LHFPL5: variants seen among roughly 807,000 people sequenced by gnomAD.
LHFPL5 encodes LHFPL tetraspan subfamily member 5.
A neutral mutation model predicts 18.7 loss-of-function variants in LHFPL5; 12 were observed. The ratio of observed to expected loss-of-function variants is 0.64; its 90% CI spans 0.41 to 1.04. The LOEUF is 1.04. Among genes scored for constraint, LHFPL5 ranks in the 50% least tolerant of loss-of-function variants. The probability of loss-of-function intolerance (pLI) is 0.00; values close to 1 mark genes in which losing one functional copy is unlikely to be tolerated. For synonymous variants in LHFPL5, 111 were observed against 120.2 expected (o/e 0.92, Z 0.50); for missense variants, 259 against 292.1 (o/e 0.89, Z 0.83).
At chr6:35,818,370 TTTTTTTGA>T in intron 2 of LHFPL5, among the ~76,000 whole-genome samples, 1 of 140,756 alleles carries the variant, frequency 7.1e-6, no homozygotes, top group African/African-American at 2.7e-5. Flanking sequence ...TTTTTTTTTT[TTTTTTTGA>T]GACAGATTCT....
rs1163846436 is a variant in LHFPL5, at chr6:35,823,140, C to T, written c.*175C>T. The T allele has an allele frequency of 6.6e-6, 1 of 152,058 alleles. No homozygotes were observed. The highest frequency in any genetic ancestry group is 1.9e-4 in the East Asian group (1 of 5,188). 9.4% of individuals were successfully genotyped at this position (152,058 alleles called of 1,614,324 possible). A position where few individuals can be genotyped will look rare whatever the true frequency, so the allele number is the denominator to read the frequency against. ...GGACAGTCTCCTGAGACAAGACCTC[C>T]TACTGTACTCTTTCTGGGGAAGCAG... On this transcript the variant is annotated 3_prime_UTR_variant, in exon 4 of 4. Transcript: ENST00000360215.
At position 35,816,303 on chromosome 6, in the gene LHFPL5, G is replaced by A. The variant is rs546183331; in HGVS notation, c.649+1521G>A. Among the ~76,000 whole-genome samples the A allele has an allele frequency of 2.8e-3, 384 of 135,484 alleles. 3 individuals carry two copies. Among genetic ancestry groups the A allele is most frequent in the Non-Finnish European group, 2.9e-3 (193 of 65,554 alleles). The allele number at this position is 135,484 out of a possible 152,430, so 88.9% of individuals were successfully genotyped here. A position where few individuals can be genotyped will look rare whatever the true frequency, so the allele number is the denominator to read the frequency against. On this transcript the variant is annotated intron_variant, in intron 2 of 3. Transcript: ENST00000360215. ...AGAGGTTGAAGTGAGCTGAGATCGCGCCACTGCACTCCAGCCTGGACGACA... is the reference window on the plus strand; with the variant it reads ...AGAGGTTGAAGTGAGCTGAGATCGCACCACTGCACTCCAGCCTGGACGACA...
chr6:35,805,631 C>A lies in LHFPL5; in HGVS notation c.-40C>A. 2 of 1,610,638 alleles carry A rather than the reference C, an allele frequency of 1.2e-6. No individual in the cohort carries two copies. The highest frequency in any genetic ancestry group is 1.7e-6 in the Non-Finnish European group (2 of 1,177,502). On this transcript the variant is annotated 5_prime_UTR_variant, in exon 1 of 4. Coordinates refer to ENST00000360215, the MANE Select transcript of LHFPL5 (RefSeq NM_182548.4). This position sits in a 1 kb window ranked among gnomAD's most constrained non-coding sequence, Gnocchi z 4.3. ...CTCCATCCACAAAGCTACGGACTTG[C>A]AGCCCACGGGACCCCAGCCCAGGGC...
intron 1 of LHFPL5, among the ~76,000 whole-genome samples, chr6:35,812,882 C>T (rs770054612): frequency 6.6e-6 from 1 of 152,052 alleles, no homozygotes; most frequent in African/African-American, 2.4e-5. Context: ...TGGCAAAACC[C>T]CGTCTCTATG....
Position 35,821,481 on chromosome 6 carries a change from G to GTGTA in LHFPL5, c.*17-1498_*17-1497insATGT, listed in dbSNP as rs1554147695. Among the ~76,000 whole-genome samples, 745 of 147,070 alleles carry GTGTA rather than the reference G, an allele frequency of 5.1e-3. 8 individuals are homozygous for GTGTA. Among genetic ancestry groups the GTGTA allele is most frequent in the South Asian group, 0.025 (113 of 4,610 alleles). ...TGTGTGTGTGTGTGTGTGTGTGTGTGTGTGTGTGTGTGTTCTTGACACGGA... is the reference window on the plus strand; with the variant it reads ...TGTGTGTGTGTGTGTGTGTGTGTGTGTGTATGTGTGTGTGTGTTCTTGACACGGA... On this transcript the variant is annotated intron_variant, in intron 3 of 3. Transcript: ENST00000360215.
intron 2 of LHFPL5, among the ~76,000 whole-genome samples, chr6:35,819,073 T>C (rs532847444): frequency 1.3e-5 from 2 of 152,170 alleles, no homozygotes; most frequent in Non-Finnish European, 2.9e-5. Flanking sequence ...CCTCAAGTGA[T>C]CCACCTTCCT....
In LHFPL5 at chr6:35,823,388, TACACAC is replaced by T. The variant is rs67626900; in HGVS notation, c.*455_*460del. 0.029 allele frequency: 3,013 copies of T among 103,708 alleles called. 73 individuals carry two copies. Among genetic ancestry groups the T allele is most frequent in the African/African-American group, 0.091 (2,011 of 22,128 alleles). The allele number at this position is 103,708 out of a possible 1,614,324, so 6.4% of individuals were successfully genotyped here. ...GATAGCATACACACACACATATATA[TACACAC>T]ACACACACACACACACACACACACA... On this transcript the variant is annotated 3_prime_UTR_variant, in exon 4 of 4. Transcript: ENST00000360215.
chr6:35,818,352 T>TATATA (rs1561955744), intron 2 of LHFPL5, among the ~76,000 whole-genome samples: 2 of 2,374 alleles, frequency 8.4e-4, no homozygotes, highest in African/African-American at 2.7e-3. Flanking sequence ...TATATATGTA[T>TATATA]TTTTTTTTTT....
chr6:35,816,771 C>A (rs937343019), intron 2 of LHFPL5, among the ~76,000 whole-genome samples: 2 of 148,000 alleles, frequency 1.4e-5, no homozygotes, highest in Non-Finnish European at 3.0e-5. Context: ...GAGATTGTAC[C>A]ACTGCACTCC....
chr6:35,820,654 C>T lies in LHFPL5; in HGVS notation c.*16+1191C>T, dbSNP rs888660421. On this transcript the variant is annotated intron_variant, in intron 3 of 3. Coordinates refer to ENST00000360215, the MANE Select transcript of LHFPL5 (RefSeq NM_182548.4). ...GGCGGAGCTTGCAGTGAGCTGAGAT[C>T]GTGCCACTGCACTCCAGCTTGGGCG... is the stretch of plus-strand genomic sequence containing the variant. Among the ~76,000 whole-genome samples the T allele has an allele frequency of 4.0e-5, 6 of 151,566 alleles. No homozygotes were observed. The East Asian group carries it at 7.7e-4, about 20-fold the overall frequency.
At chr6:35,817,005 C>A (rs193294545) in intron 2 of LHFPL5, among the ~76,000 whole-genome samples, 29 of 152,018 alleles carry the variant, frequency 1.9e-4, no homozygotes, top group African/African-American at 6.8e-4. Context: ...AACTCAAAGA[C>A]CTAAACACAA....
At chr6:35,816,576 C>T (rs962802508) in intron 2 of LHFPL5, among the ~76,000 whole-genome samples, 2 of 151,888 alleles carry the variant, frequency 1.3e-5, no homozygotes, top group Non-Finnish European at 2.9e-5. Flanking sequence ...CTCTGGGAGG[C>T]CAAGGCAGGC....
chr6:35,817,187 G>T (rs1039522151), intron 2 of LHFPL5, among the ~76,000 whole-genome samples: 1 of 152,072 alleles, frequency 6.6e-6, no homozygotes, highest in Non-Finnish European at 1.5e-5. Context: ...TGGGTGTGGT[G>T]GTGGGCACCT....
rs183843302 is a variant in LHFPL5, at chr6:35,815,530, T to G, written c.649+748T>G. Reference sequence around the variant, plus strand: ...GGGCAAGGCCTGTCTTGCACCCCTGTGAATCCCCAAATGCCTGATCTCAGC... The same window carrying G: ...GGGCAAGGCCTGTCTTGCACCCCTGGGAATCCCCAAATGCCTGATCTCAGC... On this transcript the variant is annotated intron_variant, in intron 2 of 3. Transcript: ENST00000360215. 4.6e-5 allele frequency among the ~76,000 whole-genome samples: 7 copies of G among 152,280 alleles called. No homozygotes were observed. In the East Asian group the frequency reaches 1.2e-3, roughly 25 times the overall value.
In LHFPL5 at chr6:35,805,353, TCGGGAGC is replaced by T. The variant is rs1476757600; in HGVS notation, c.-315_-309del. The T allele has an allele frequency of 5.9e-6, 2 of 340,814 alleles. No homozygotes were observed. Among genetic ancestry groups the T allele is most frequent in the African/African-American group, 4.4e-5 (2 of 45,036 alleles). The allele number at this position is 340,814 out of a possible 1,614,324, so 21.1% of individuals were successfully genotyped here. On this transcript the variant is annotated 5_prime_UTR_variant, in exon 1 of 4. Transcript: ENST00000360215. This position sits in a 1 kb window ranked among gnomAD's most constrained non-coding sequence, Gnocchi z 4.3. ...GCGGACGGAGGAGGGGGCGGGGCTCTCGGGAGCCGTGAGCCGGGAAGAGGGAGACGGG... is the reference window on the plus strand; with the variant it reads ...GCGGACGGAGGAGGGGGCGGGGCTCTCGTGAGCCGGGAAGAGGGAGACGGG...
chr6:35,821,728 G>T (rs1388179957), intron 3 of LHFPL5, among the ~76,000 whole-genome samples: 1 of 151,820 alleles, frequency 6.6e-6, no homozygotes, highest in Non-Finnish European at 1.5e-5. Context: ...TGATCCTCCC[G>T]CCTCAGCCTC....
At chr6:35,807,851 T>C (rs763383480) in intron 1 of LHFPL5, among the ~76,000 whole-genome samples, 2 of 152,186 alleles carry the variant, frequency 1.3e-5, no homozygotes, top group Non-Finnish European at 1.5e-5. Flanking sequence ...CATATTTACA[T>C]AAGTATAATG....
chr6:35,820,682 A>G (rs1458413167), intron 3 of LHFPL5, among the ~76,000 whole-genome samples: 2 of 151,486 alleles, frequency 1.3e-5, no homozygotes, highest in Admixed American at 6.6e-5. Flanking sequence ...CTTGGGCGAC[A>G]AAGCGAGACT....
intron 1 of LHFPL5, among the ~76,000 whole-genome samples, chr6:35,808,541 C>T (rs11961496): frequency 2.8e-4 from 28 of 101,140 alleles, no homozygotes; most frequent in African/African-American, 8.1e-4. Context: ...TATATATATT[C>T]TTTACTATAT....
Sources: allele counts gnomAD v4.1 joint callset (sites outside exome capture counted in the v4.1 genomes callset), GRCh38; gene constraint gnomAD v4.1.1; non-coding constraint Gnocchi (gnomAD v3.1); transcripts MANE v1.5; gene names NCBI Gene and HGNC (gene_info 2026-07-23, HGNC 2026-07-21).